ZNF175: variants seen among roughly 807,000 people sequenced by gnomAD.
The protein encoded by ZNF175 is zinc finger protein OTK18.
In ZNF175, 8 loss-of-function variants were observed where a neutral mutation model predicts 14.0. The observed-to-expected ratio is 0.57, with a 90% CI of 0.34 to 1.03. The LOEUF is 1.03. Among genes scored for constraint, ZNF175 ranks in the 50% least tolerant of loss-of-function variants. The pLI, the probability that ZNF175 is intolerant of heterozygous loss-of-function variation, is 0.03. For synonymous variants in ZNF175, 255 were observed against 296.8 expected (o/e 0.86, Z 1.45); for missense variants, 764 against 849.5 (o/e 0.90, Z 1.25).
Position 51,581,830 on chromosome 19 carries a change from A to T in ZNF175, c.243A>T (p.Lys81Asn), listed in dbSNP as rs1299495813. ...PNPEVIFRMLKEKEPRVEEAE... is the reference protein window; with the variant it reads ...PNPEVIFRMLNEKEPRVEEAE... Reference sequence around the variant, plus strand: ...CAGAGGTCATCTTCAGAATGCTAAAAGAAAAGGAGCCGCGTGTGGAGGAGG... The same window carrying T: ...CAGAGGTCATCTTCAGAATGCTAAATGAAAAGGAGCCGCGTGTGGAGGAGG... The change falls in exon 4 of 5, where the codon AAA (lysine) becomes AAT (asparagine). Residue 81 changes from lysine to asparagine, a missense_variant. By Grantham distance (94) the Lys-to-Asn change is moderately conservative. Coordinates refer to ENST00000262259, the MANE Select transcript of ZNF175 (RefSeq NM_007147.4). The T allele has an allele frequency of 6.2e-7, 1 of 1,613,926 alleles. No homozygotes were observed. The highest frequency in any genetic ancestry group is 8.5e-7 in the Non-Finnish European group (1 of 1,179,934).
At position 51,586,663 on chromosome 19, in the gene ZNF175, T is replaced by G. The variant is rs781672119; in HGVS notation, c.332T>G (p.Ile111Ser). The G allele has an allele frequency of 1.2e-6, 2 of 1,601,136 alleles. No homozygotes were observed. The highest frequency in any genetic ancestry group is 2.2e-5 in the East Asian group (1 of 44,752). The change falls in exon 5 of 5, where the codon ATT becomes AGT. Residue 111 changes from isoleucine to serine, a missense_variant. Ile to Ser is a moderately radical substitution (Grantham distance 142). Coordinates refer to ENST00000262259, the MANE Select transcript of ZNF175 (RefSeq NM_007147.4). Reference sequence around the variant, plus strand: ...GGGCTTGAAATCCCACAAAAGGAGATTTCTAAGAAAGCTTCATTTCAAAAG... The same window carrying G: ...GGGCTTGAAATCCCACAAAAGGAGAGTTCTAAGAAAGCTTCATTTCAAAAG... ...EFGLEIPQKE[I>S]SKKASFQKDM...
intron 4 of ZNF175, among the ~76,000 whole-genome samples, chr19:51,585,919 G>T (rs1221458285): frequency 6.6e-6 from 1 of 152,140 alleles, no homozygotes; most frequent in Non-Finnish European, 1.5e-5. Flanking sequence ...GGGGATATGG[G>T]TATATTCCTA....
chr19:51,587,096 C>A lies in ZNF175; in HGVS notation c.765C>A (p.Asn255Lys), dbSNP rs762517010. The A allele has an allele frequency of 4.3e-6, 7 of 1,614,000 alleles. No homozygotes were observed. Among genetic ancestry groups the A allele is most frequent in the Non-Finnish European group, 5.9e-6 (7 of 1,180,020 alleles). ...IHTGETFCKG[N>K]QCRKVCGHKQ... Reference sequence around the variant, plus strand: ...CAGGAGAGACATTTTGCAAAGGTAACCAGTGTAGAAAAGTCTGTGGCCATA... The same window carrying A: ...CAGGAGAGACATTTTGCAAAGGTAAACAGTGTAGAAAAGTCTGTGGCCATA... The change falls in exon 5 of 5, where the codon AAC becomes AAA. Residue 255 changes from asparagine (N) to lysine (K), a missense_variant. By Grantham distance (94) the Asn-to-Lys change is moderately conservative. Transcript: ENST00000262259.
chr19:51,588,613 A>G lies in ZNF175; in HGVS notation c.*146A>G, dbSNP rs1982258116. 2.3e-6 allele frequency: 2 copies of G among 862,084 alleles called. No individual in the cohort carries two copies. Among genetic ancestry groups the G allele is most frequent in the Non-Finnish European group, 3.3e-6 (2 of 608,386 alleles). The allele number at this position is 862,084 out of a possible 1,614,324, so 53.4% of individuals were successfully genotyped here. On this transcript the variant is annotated 3_prime_UTR_variant, in exon 5 of 5. Transcript: ENST00000262259. ...AGGGATGCACTGCATGTGTGAACAC[A>G]TGATAAAAAAGTCATGCTTTATTTT...
intron 2 of ZNF175, among the ~76,000 whole-genome samples, chr19:51,578,078 T>C (rs1270698905): frequency 1.3e-5 from 2 of 152,072 alleles, no homozygotes; most frequent in Non-Finnish European, 2.9e-5. Context: ...TTAACTACTT[T>C]CGTCACTTTT....
At position 51,571,310 on chromosome 19, in the gene ZNF175, A is replaced by C. The variant is rs1334355712; in HGVS notation, c.-346A>C. On this transcript the variant is annotated 5_prime_UTR_variant, in exon 1 of 5. Transcript: ENST00000262259. ...CCATTTAGCTTCTGTTGTTAAGTGG[A>C]TCTAAGCCTATGTCGCTTACTGGAC... is the stretch of plus-strand genomic sequence containing the variant. 5 of 151,744 alleles carry C rather than the reference A, an allele frequency of 3.3e-5. No homozygotes were observed. Among genetic ancestry groups the C allele is most frequent in the African/African-American group, 1.2e-4 (5 of 41,268 alleles). The allele number at this position is 151,744 out of a possible 1,614,324, so 9.4% of individuals were successfully genotyped here.
Position 51,589,457 on chromosome 19 carries a change from C to T in ZNF175, c.*990C>T. ...AACAATGATTAACTCCTTTATTATA[C>T]ATACACATGAATGTGCATTTTTGGT... On this transcript the variant is annotated 3_prime_UTR_variant, in exon 5 of 5. Coordinates refer to ENST00000262259, the MANE Select transcript of ZNF175 (RefSeq NM_007147.4). The T allele has an allele frequency of 3.0e-6, 2 of 669,088 alleles. No homozygotes were observed. The highest frequency in any genetic ancestry group is 2.7e-6 in the Non-Finnish European group (1 of 369,974). 41.4% of individuals were successfully genotyped at this position (669,088 alleles called of 1,614,324 possible).
In ZNF175 at chr19:51,587,415, C is replaced by A; in HGVS notation, c.1084C>A (p.Pro362Thr). The A allele has an allele frequency of 6.2e-7, 1 of 1,614,080 alleles. No homozygotes were observed. The highest frequency in any genetic ancestry group is 8.5e-7 in the Non-Finnish European group (1 of 1,180,002). The change falls in exon 5 of 5, where the codon CCC (proline) becomes ACC (threonine). Residue 362 changes from proline (P) to threonine (T), a missense_variant. Coordinates refer to ENST00000262259, the MANE Select transcript of ZNF175 (RefSeq NM_007147.4). Reference sequence around the variant, plus strand: ...CCAGAAAACACACACTAGAAAGAAGCCCTATAAATGCCATGACTGTGGAAA... The same window carrying A: ...CCAGAAAACACACACTAGAAAGAAGACCTATAAATGCCATGACTGTGGAAA... Reference protein sequence around the residue: ...THQKTHTRKKPYKCHDCGKAF... With the variant: ...THQKTHTRKKTYKCHDCGKAF...
chr19:51,581,037 G>T (rs1311401577), intron 2 of ZNF175, among the ~76,000 whole-genome samples: 1 of 152,094 alleles, frequency 6.6e-6, no homozygotes, highest in Non-Finnish European at 1.5e-5. Context: ...AAGAGTAGAA[G>T]CTTATGTAAT....
intron 2 of ZNF175, 163 bp from the exon 3 acceptor site, chr19:51,581,228 C>T: frequency 1.0e-6 from 1 of 1,004,620 alleles, no homozygotes; most frequent in Non-Finnish European, 1.5e-6. Context: ...GGATATTTCT[C>T]TTATTTTTTT....
At position 51,571,317 on chromosome 19, in the gene ZNF175, C is replaced by G. The variant is rs750217125; in HGVS notation, c.-339C>G. ...GCTTCTGTTGTTAAGTGGATCTAAG[C>G]CTATGTCGCTTACTGGACGCTGAAG... On this transcript the variant is annotated 5_prime_UTR_variant, in exon 1 of 5. Coordinates refer to ENST00000262259, the MANE Select transcript of ZNF175 (RefSeq NM_007147.4). 2 of 152,024 alleles carry G rather than the reference C, an allele frequency of 1.3e-5. No individual in the cohort carries two copies. The highest frequency in any genetic ancestry group is 2.4e-5 in the African/African-American group (1 of 41,360). The allele number at this position is 152,024 out of a possible 1,614,324, so 9.4% of individuals were successfully genotyped here. A position where few individuals can be genotyped will look rare whatever the true frequency, so the allele number is the denominator to read the frequency against.
Position 51,587,623 on chromosome 19 carries a change from A to G in ZNF175, c.1292A>G (p.Lys431Arg). ...CSECGKAFTQ[K>R]STLSLHQRIH... The stretch of plus-strand genomic sequence containing the variant: ...GAATGTGGGAAAGCCTTTACCCAGA[A>G]GTCAACACTCAGCTTGCACCAGAGA... The change falls in exon 5 of 5, where the codon AAG (lysine) becomes AGG (arginine). Residue 431 changes from lysine to arginine, a missense_variant. Physicochemically the swap from Lys to Arg is conservative, Grantham distance 26. Transcript: ENST00000262259. 6.2e-7 allele frequency: 1 copy of G among 1,614,148 alleles called. No individual in the cohort carries two copies. Among genetic ancestry groups the G allele is most frequent in the Non-Finnish European group, 8.5e-7 (1 of 1,180,020 alleles).
In ZNF175 at chr19:51,591,881, G is replaced by T. The variant is rs1243013236; in HGVS notation, c.*3414G>T. On this transcript the variant is annotated 3_prime_UTR_variant, in exon 5 of 5. Transcript: ENST00000262259. Reference sequence around the variant, plus strand: ...CCTCCCGGGTTCACGCCATTCTCCTGCCTCAGCCTCCCGAGTAGCTGGGAC... The same window carrying T: ...CCTCCCGGGTTCACGCCATTCTCCTTCCTCAGCCTCCCGAGTAGCTGGGAC... 6.6e-6 allele frequency: 1 copy of T among 150,900 alleles called. No individual in the cohort carries two copies. Among genetic ancestry groups the T allele is most frequent in the Non-Finnish European group, 1.5e-5 (1 of 67,886 alleles). The allele number at this position is 150,900 out of a possible 1,614,324, so 9.3% of individuals were successfully genotyped here.
At chr19:51,582,982 A>G (rs756070928) in intron 4 of ZNF175, among the ~76,000 whole-genome samples, 1 of 151,980 alleles carries the variant, frequency 6.6e-6, no homozygotes, top group Non-Finnish European at 1.5e-5. Context: ...CAGCCTCCCA[A>G]GTAGCTGTGA....
rs1982184256 is a variant in ZNF175, at chr19:51,586,915, C to G, written c.584C>G (p.Pro195Arg). The change falls in exon 5 of 5, where the codon CCT (proline) becomes CGT (arginine). Residue 195 changes from proline (P) to arginine (R), a missense_variant. Pro to Arg is a moderately radical substitution (Grantham distance 103, BLOSUM62 -2). Transcript: ENST00000262259. ...RPHLASSQKQ[P>R]QKCCLFTESL... is the part of the protein sequence containing the mutation. ...CACCTTGCTTCTTCACAGAAACAAC[C>G]TCAGAAATGTTGCTTATTTACAGAA... 3 of 1,614,108 alleles carry G rather than the reference C, an allele frequency of 1.9e-6. No homozygotes were observed. Among genetic ancestry groups the G allele is most frequent in the Non-Finnish European group, 2.5e-6 (3 of 1,180,024 alleles).
Position 51,576,459 on chromosome 19 carries a change from A to G in ZNF175, c.72+3058A>G, listed in dbSNP as rs74446085. Among the ~76,000 whole-genome samples, 400 of 152,238 alleles carry G rather than the reference A, an allele frequency of 2.6e-3. 16 individuals carry two copies. In the East Asian group the frequency reaches 0.046, roughly 18 times the overall value. Reference sequence around the variant, plus strand: ...GCCACCACACCCGGCCTTCAGGAACAGTTTTAATCCTCATAACTTTGCGAG... The same window carrying G: ...GCCACCACACCCGGCCTTCAGGAACGGTTTTAATCCTCATAACTTTGCGAG... On this transcript the variant is annotated intron_variant, in intron 2 of 4. Coordinates refer to ENST00000262259, the MANE Select transcript of ZNF175 (RefSeq NM_007147.4).
At chr19:51,581,567 T>TC in intron 3 of ZNF175, 50 bp downstream of exon 3, 2 of 1,582,060 alleles carry the variant, frequency 1.3e-6, no homozygotes, top group Non-Finnish European at 8.6e-7. Flanking sequence ...TGAGGAGATT[T>TC]CCTTCCTCCT....
chr19:51,573,761 T>G (rs543852566), intron 2 of ZNF175: 6 of 363,580 alleles, frequency 1.7e-5, no homozygotes, highest in Admixed American at 4.8e-5. Flanking sequence ...CCCCACCAAA[T>G]TCCTTGCTTG....
intron 2 of ZNF175, among the ~76,000 whole-genome samples, chr19:51,575,183 G>A (rs1981729278): frequency 7.2e-6 from 1 of 138,144 alleles, no homozygotes; most frequent in South Asian, 2.4e-4. Context: ...ATTTTGGTTT[G>A]GTTTAGCCTC....
Sources: gnomAD v4.1 joint callset for allele counts (sites outside exome capture counted in the v4.1 genomes callset) on GRCh38, gnomAD v4.1.1 for gene constraint, MANE v1.5 for transcripts, NCBI Gene and HGNC (gene_info 2026-07-23, HGNC 2026-07-21) for gene names.